KLHL4: variants seen among roughly 807,000 people sequenced by gnomAD.
The protein encoded by KLHL4 is kelch like family member 4, also known as kelch-like protein 4.
Under a neutral mutation model 45.8 loss-of-function variants are expected in KLHL4, and 17 were observed. That is an observed-to-expected ratio of 0.37 (90% CI 0.25 to 0.56). KLHL4 has a LOEUF of 0.56. Among genes scored for constraint, KLHL4 ranks in the 20% least tolerant of loss-of-function variants. The pLI is 0.79. For synonymous variants in KLHL4, 224 were observed against 189.9 expected, an observed-to-expected ratio of 1.18 and a Z score of -1.47; for missense variants, 544 against 544.9, an observed-to-expected ratio of 1.00 and a Z score of 0.02.
intron 1 of KLHL4, among the ~76,000 whole-genome samples, chrX:87,521,582 CCTT>C (rs1931001827): frequency 9.0e-6 from 1 of 111,176 alleles, no homozygotes; most frequent in South Asian, 3.8e-4. Flanking sequence ...AGAGGGCACT[CCTT>C]CAGATAGAGA....
chrX:87,584,256 G>C (rs890688444), intron 1 of KLHL4, among the ~76,000 whole-genome samples: 2 of 111,565 alleles, frequency 1.8e-5, no homozygotes, highest in Non-Finnish European at 1.9e-5. Flanking sequence ...ACTAAGCCCA[G>C]ACAATAAATA....
intron 5 of KLHL4, among the ~76,000 whole-genome samples, chrX:87,625,238 T>C (rs780589190): frequency 7.1e-5 from 8 of 112,350 alleles, no homozygotes; most frequent in African/African-American, 2.6e-4. Flanking sequence ...TAAGTGAAAA[T>C]AAAAATCATA....
intron 3 of KLHL4, 121 bp downstream of exon 3, chrX:87,614,691 G>A: frequency 3.5e-6 from 2 of 573,418 alleles, no homozygotes; most frequent in Non-Finnish European, 5.1e-6. Flanking sequence ...TAGTAATACT[G>A]CTACTACAAC....
At chrX:87,535,995 T>G (rs1046799353) in intron 1 of KLHL4, among the ~76,000 whole-genome samples, 8 of 110,521 alleles carry the variant, frequency 7.2e-5, no homozygotes, top group African/African-American at 2.6e-4. Context: ...ATGCCAGGCT[T>G]ATGCTTCTTG....
intron 9 of KLHL4, among the ~76,000 whole-genome samples, chrX:87,645,141 G>A (rs985973688): frequency 4.5e-5 from 5 of 111,529 alleles, no homozygotes; most frequent in African/African-American, 6.5e-5. Flanking sequence ...AAATCTTCAC[G>A]ATCCGTACAT....
In KLHL4 at chrX:87,669,424, C is replaced by A; in HGVS notation, c.*2890C>A. 1.7e-6 allele frequency: 2 copies of A among 1,205,602 alleles called. No individual in the cohort carries two copies. Among genetic ancestry groups the A allele is most frequent in the Non-Finnish European group, 2.2e-6 (2 of 892,312 alleles). On this transcript the variant is annotated 3_prime_UTR_variant, in exon 11 of 11. Transcript: ENST00000373119. ...AGATCCTTTCTCCACACAGCAATGA[C>A]ATTTATCAATCTGACTCAGGTGTGG...
At chrX:87,629,006 C>T (rs1012531952) in intron 6 of KLHL4, among the ~76,000 whole-genome samples, 9 of 111,911 alleles carry the variant, frequency 8.0e-5, no homozygotes. Flanking sequence ...AAACTAAATT[C>T]TGAATAAAGC....
At chrX:87,595,148 C>G (rs1377024100) in intron 1 of KLHL4, among the ~76,000 whole-genome samples, 1 of 110,264 alleles carries the variant, frequency 9.1e-6, no homozygotes, top group Non-Finnish European at 1.9e-5. Flanking sequence ...TTAGGTATAT[C>G]TCCTAATGCT....
rs919344354 is a variant in KLHL4 at position 87,668,224 on chromosome X, C to G, written c.*1690C>G. 14 of 751,854 alleles carry G rather than the reference C, an allele frequency of 1.9e-5. No homozygotes were observed. The African/African-American group carries it at 3.2e-4, about 17-fold the overall frequency. 62.0% of individuals were successfully genotyped at this position (751,854 alleles called of 1,213,427 possible). On this transcript the variant is annotated 3_prime_UTR_variant, in exon 11 of 11. Transcript: ENST00000373119. The stretch of plus-strand genomic sequence containing the variant: ...AGTAGAGTTACCTAAACCTTTATCG[C>G]CAATGCACAGCTTGGCCTGTTAAGT...
intron 1 of KLHL4, among the ~76,000 whole-genome samples, chrX:87,598,139 G>C (rs749377567): frequency 5.4e-4 from 60 of 110,624 alleles, no homozygotes; most frequent in Non-Finnish European, 1.0e-3. Context: ...AATTGAATAT[G>C]CATTTGGAGA....
chrX:87,546,914 G>C (rs1931696093), intron 1 of KLHL4, among the ~76,000 whole-genome samples: 1 of 112,654 alleles, frequency 8.9e-6, no homozygotes, highest in Non-Finnish European at 1.9e-5. Flanking sequence ...TCTTCCATTT[G>C]CAAGGGGAGC....
chrX:87,664,813 C>T lies in KLHL4; in HGVS notation c.1975C>T (p.Pro659Ser). The change falls in exon 10 of 11, where the codon CCT becomes TCT. Residue 659 changes from proline (P) to serine (S), a missense_variant. Physicochemically the swap from Pro to Ser is moderately conservative, Grantham distance 74. Transcript: ENST00000373119. ...GTCAACTGTGGCACCTCTGAGTGTT[C>T]CTCGAGATGCTGTTGCTGTGTGCCC... The part of the protein sequence containing the change: ...SWSTVAPLSV[P>S]RDAVAVCPLG... 8.3e-7 allele frequency: 1 copy of T among 1,204,145 alleles called. No individual in the cohort carries two copies. Among genetic ancestry groups the T allele is most frequent in the South Asian group, 1.8e-5 (1 of 56,449 alleles).
chrX:87,628,705 A>G (rs1217053569), intron 6 of KLHL4, among the ~76,000 whole-genome samples: 3 of 111,602 alleles, frequency 2.7e-5, no homozygotes, highest in Non-Finnish European at 5.7e-5. Flanking sequence ...CCCCAACACT[A>G]TTGAAATTTT....
At chrX:87,527,982 G>A (rs1931146855) in intron 1 of KLHL4, among the ~76,000 whole-genome samples, 1 of 111,016 alleles carries the variant, frequency 9.0e-6, no homozygotes, top group African/African-American at 3.3e-5. Context: ...TGGCTGCCAG[G>A]AGCCTACACC....
chrX:87,605,589 A>G (rs960227871), intron 1 of KLHL4, among the ~76,000 whole-genome samples: 2 of 111,118 alleles, frequency 1.8e-5, no homozygotes, highest in African/African-American at 6.5e-5. Flanking sequence ...GACTTTTTAT[A>G]CCATGACTTT....
intron 1 of KLHL4, among the ~76,000 whole-genome samples, chrX:87,563,683 T>C (rs895227240): frequency 3.8e-5 from 4 of 106,664 alleles, no homozygotes; most frequent in Non-Finnish European, 5.8e-5. Flanking sequence ...GGCAAAGAGA[T>C]AAGGGTAGAA....
At chrX:87,532,278 G>C (rs1369257585) in intron 1 of KLHL4, among the ~76,000 whole-genome samples, 1 of 110,441 alleles carries the variant, frequency 9.1e-6, no homozygotes, top group Non-Finnish European at 1.9e-5. Flanking sequence ...GCTCTGTTCT[G>C]TTCCATTGAT....
chrX:87,587,150 C>CAAA (rs1197848253), intron 1 of KLHL4, among the ~76,000 whole-genome samples: 7,360 of 47,625 alleles, frequency 0.15, 816 homozygotes, highest in East Asian at 0.42. Context: ...TAAAATAAAG[C>CAAA]AAAAAAAAAA....
intron 1 of KLHL4, among the ~76,000 whole-genome samples, chrX:87,588,803 G>A (rs1034941201): frequency 2.7e-5 from 3 of 109,331 alleles, no homozygotes; most frequent in Non-Finnish European, 5.7e-5. Context: ...GAAGGAGAAG[G>A]AGAAGGAGAA....
Sources: gnomAD v4.1 joint callset for allele counts (sites outside exome capture counted in the v4.1 genomes callset) on GRCh38, gnomAD v4.1.1 for gene constraint, MANE v1.5 for transcripts, NCBI Gene and HGNC (gene_info 2026-07-23, HGNC 2026-07-21) for gene names.